The following AFF1 variants were observed in gnomAD, a reference collection of about 807,000 sequenced individuals.
The protein encoded by AFF1 is AF4/FMR2 family member 1.
In AFF1, 48 loss-of-function variants were observed where a neutral mutation model predicts 121.7. The observed-to-expected ratio is 0.39, with a 90% CI of 0.31 to 0.50. AFF1 has a LOEUF of 0.50. Ranked by LOEUF, AFF1 falls within the 20% of genes least tolerant of loss-of-function variation. The probability of loss-of-function intolerance (pLI) is 0.76; values close to 1 mark genes in which losing one functional copy is unlikely to be tolerated. For missense variants in AFF1, 1,523 were observed against 1,511.7 expected (o/e 1.01, Z -0.12); for synonymous variants, 613 against 563.0 (o/e 1.09, Z -1.26).
At chr4:87,075,625 C>G (rs756805543) in intron 4 of AFF1, among the ~76,000 whole-genome samples, 5 of 152,172 alleles carry the variant, frequency 3.3e-5, no homozygotes, top group Non-Finnish European at 5.9e-5. Context: ...TGAAATTTTG[C>G]ATTCTGAGAA....
intron 2 of AFF1, among the ~76,000 whole-genome samples, chr4:86,999,020 T>C (rs1725481616): frequency 6.6e-6 from 1 of 152,238 alleles, no homozygotes; most frequent in Non-Finnish European, 1.5e-5. Flanking sequence ...AGATGAATTC[T>C]GGCCTGGTCT....
rs969029703 is a variant in AFF1, at chr4:87,140,808, A to G, written c.*5107A>G. ...TGTGAATAAAATTTAGCTGCCTTGT[A>G]TAGTCGTTTGAAAGAATATGTGATC... On this transcript the variant is annotated 3_prime_UTR_variant, in exon 21 of 21. Coordinates refer to ENST00000395146, the MANE Select transcript of AFF1 (RefSeq NM_001166693.3). The G allele has an allele frequency of 4.6e-4, 87 of 188,220 alleles. 1 individual carries two copies. Among genetic ancestry groups the G allele is most frequent in the Middle Eastern group, 1.8e-3 (1 of 548 alleles). The allele number at this position is 188,220 out of a possible 1,614,324, so 11.7% of individuals were successfully genotyped here. A position where few individuals can be genotyped will look rare whatever the true frequency, so the allele number is the denominator to read the frequency against.
At chr4:87,133,301 C>T (rs1729008028) in intron 19 of AFF1, among the ~76,000 whole-genome samples, 1 of 152,094 alleles carries the variant, frequency 6.6e-6, no homozygotes. Context: ...CCCTGTAGTC[C>T]TTGCCTAGTA....
rs769226898 is a variant in AFF1 at position 87,115,293 on chromosome 4, G to C, written c.2460G>C (p.Lys820Asn). 2.5e-5 allele frequency: 40 copies of C among 1,592,982 alleles called. No homozygotes were observed. The highest frequency in any genetic ancestry group is 3.4e-5 in the Non-Finnish European group (40 of 1,169,882). The change falls in exon 12 of 21, where the codon AAG becomes AAC. Residue 820 changes from lysine to asparagine, a missense_variant. By Grantham distance (94) the Lys-to-Asn change is moderately conservative. Around this residue, in one of 5 missense-constraint regions of AFF1, gnomAD observed 905 missense variants for 842.5 expected, o/e 1.07. Coordinates refer to ENST00000395146, the MANE Select transcript of AFF1 (RefSeq NM_001166693.3). The part of the protein sequence containing the change: ...SSDSSSKLAK[K>N]RKGEAERDCD... ...ACAGCTCAAGCAAGTTGGCCAAAAA[G>C]AGAAAGGTGAGTGTGGGGAGACTGC...
chr4:87,070,641 C>A (rs1192357061), intron 4 of AFF1, among the ~76,000 whole-genome samples: 2 of 152,234 alleles, frequency 1.3e-5, no homozygotes, highest in Admixed American at 6.5e-5. Flanking sequence ...TCATAAGAAA[C>A]TTACAATTTA....
intron 2 of AFF1, among the ~76,000 whole-genome samples, chr4:87,037,364 T>C (rs998218724): frequency 4.0e-4 from 61 of 152,080 alleles, no homozygotes; most frequent in African/African-American, 1.4e-3. Context: ...CAGGCTGGAG[T>C]GCAGTGGCGC....
intron 4 of AFF1, among the ~76,000 whole-genome samples, chr4:87,052,620 T>C (rs1043759479): frequency 4.6e-5 from 7 of 151,970 alleles, no homozygotes; most frequent in Non-Finnish European, 5.9e-5. Flanking sequence ...GAGGGACATA[T>C]CTACTTTTTT....
intron 4 of AFF1, among the ~76,000 whole-genome samples, chr4:87,080,783 C>T (rs1217815702): frequency 6.6e-6 from 1 of 152,186 alleles, no homozygotes; most frequent in Non-Finnish European, 1.5e-5. Context: ...GCAGCCTGTC[C>T]TTGTAGATCT....
Position 87,047,464 on chromosome 4 carries a change from C to G in AFF1, c.929C>G (p.Ala310Gly). The change falls in exon 4 of 21, where the codon GCC (alanine) becomes GGC (glycine). Residue 310 changes from alanine (A) to glycine (G), a missense_variant. Coordinates refer to ENST00000395146, the MANE Select transcript of AFF1 (RefSeq NM_001166693.3). Reference protein sequence around the residue: ...YVRPMDGQDQAPSESPELKPL... With the variant: ...YVRPMDGQDQGPSESPELKPL... Reference sequence around the variant, plus strand: ...CGGCCCATGGATGGTCAAGATCAGGCCCCTAGTGAATCCCCTGAACTGAAA... The same window carrying G: ...CGGCCCATGGATGGTCAAGATCAGGGCCCTAGTGAATCCCCTGAACTGAAA... The G allele has an allele frequency of 6.2e-7, 1 of 1,614,136 alleles. No individual in the cohort carries two copies. Among genetic ancestry groups the G allele is most frequent in the South Asian group, 1.1e-5 (1 of 91,076 alleles).
chr4:87,061,760 C>G (rs1720811163), intron 4 of AFF1, among the ~76,000 whole-genome samples: 1 of 152,100 alleles, frequency 6.6e-6, no homozygotes. Context: ...TATGATTATT[C>G]CTCACTTTGA....
At chr4:87,038,360 C>T (rs540064444) in intron 2 of AFF1, among the ~76,000 whole-genome samples, 1 of 152,314 alleles carries the variant, frequency 6.6e-6, no homozygotes, top group East Asian at 1.9e-4. Flanking sequence ...TGCCTTCAGA[C>T]ATGGAGTCAC....
At chr4:87,017,072 TG>T (rs1727371239) in intron 2 of AFF1, among the ~76,000 whole-genome samples, 1 of 149,094 alleles carries the variant, frequency 6.7e-6, no homozygotes, top group East Asian at 1.9e-4. Context: ...CATATATATA[TG>T]TGTGTGTGTG....
chr4:87,018,087 G>C (rs887527279), intron 2 of AFF1, among the ~76,000 whole-genome samples: 2 of 152,134 alleles, frequency 1.3e-5, no homozygotes, highest in African/African-American at 4.8e-5. Flanking sequence ...ATTTACCTGC[G>C]TAAGAATTAT....
At chr4:86,949,677 A>G in intron 2 of AFF1, 1 of 1,565,174 alleles carries the variant, frequency 6.4e-7, no homozygotes, top group Non-Finnish European at 8.7e-7. Context: ...CAGAGCAGGA[A>G]GGGGATGATG....
intron 4 of AFF1, among the ~76,000 whole-genome samples, chr4:87,079,187 T>C (rs1722939245): frequency 6.6e-6 from 1 of 152,196 alleles, no homozygotes; most frequent in African/African-American, 2.4e-5. Flanking sequence ...GAGAATAGCA[T>C]TGTTATAAAA....
chr4:86,995,521 C>T (rs1725080484), intron 2 of AFF1, among the ~76,000 whole-genome samples: 1 of 152,004 alleles, frequency 6.6e-6, no homozygotes, highest in Non-Finnish European at 1.5e-5. Context: ...GCTGTGTTGG[C>T]CGGGCTGGTC....
rs185345739 is a variant in AFF1, at chr4:87,074,508, T to C, written c.1060-9612T>C. Among the ~76,000 whole-genome samples the C allele has an allele frequency of 1.2e-4, 18 of 152,350 alleles. No individual in the cohort carries two copies. The East Asian group carries it at 3.5e-3, about 29-fold the overall frequency. ...AGTCAATAGTTAGGAAGTTGGTGAA[T>C]AACTGAGATTAGACATTTACTGTCA... On this transcript the variant is annotated intron_variant, in intron 4 of 20. Transcript: ENST00000395146.
In AFF1 at chr4:87,114,433, G is replaced by T. The variant is rs748376073; in HGVS notation, c.1600G>T (p.Ala534Ser). ...GCTGACCAAAGTCAGCCAGCCAGCT[G>T]CGCCACCAGAGGGCCCCAGGAGCAC... ...NWLTKVSQPA[A>S]PPEGPRSTEP... Residue 534 changes from alanine (A) to serine (S), a missense_variant, in exon 12 of 21, where the codon GCG becomes TCG. Coordinates refer to ENST00000395146, the MANE Select transcript of AFF1 (RefSeq NM_001166693.3). 1.7e-5 allele frequency: 28 copies of T among 1,611,014 alleles called. No homozygotes were observed. The highest frequency in any genetic ancestry group is 2.4e-5 in the Non-Finnish European group (28 of 1,179,224).
chr4:86,944,313 A>G (rs1428010122), intron 1 of AFF1, among the ~76,000 whole-genome samples: 1 of 151,930 alleles, frequency 6.6e-6, no homozygotes, highest in Non-Finnish European at 1.5e-5. Flanking sequence ...CGACAATCCC[A>G]TGAAGCCCCT....
Sources: allele counts gnomAD v4.1 joint callset (sites outside exome capture counted in the v4.1 genomes callset), GRCh38; gene constraint gnomAD v4.1.1; regional missense constraint gnomAD v4.1.1; transcripts MANE v1.5; gene names NCBI Gene and HGNC (gene_info 2026-07-23, HGNC 2026-07-21).